The following SCN10A variants were observed in gnomAD, a reference collection of about 807,000 sequenced individuals.
The protein encoded by SCN10A is sodium voltage-gated channel alpha subunit 10, also known as sodium channel protein type 10 subunit alpha.
A neutral mutation model predicts 170.7 loss-of-function variants in SCN10A; 162 were observed. The ratio of observed to expected loss-of-function variants is 0.95; its 90% CI spans 0.84 to 1.08. The LOEUF (loss-of-function observed/expected upper bound fraction) is 1.08. Ranked by LOEUF, SCN10A falls within the 50% of genes least tolerant of loss-of-function variation. The pLI is 0.00. For missense variants in SCN10A, 2,527 were observed against 2,436.9 expected (o/e 1.04, Z -0.78); for synonymous variants, 985 against 904.6 (o/e 1.09, Z -1.59).
At chr3:38,796,518 A>G (rs552777535) in intron 1 of SCN10A, among the ~76,000 whole-genome samples, 3 of 152,276 alleles carry the variant, frequency 2.0e-5, no homozygotes, top group South Asian at 4.1e-4. Flanking sequence ...AAAGCTCTCC[A>G]TAGCACTCAA....
intron 18 of SCN10A, 74 bp from the exon 19 acceptor site, chr3:38,723,627 G>A (rs773877069): frequency 6.0e-6 from 9 of 1,503,888 alleles, no homozygotes; most frequent in Non-Finnish European, 7.2e-6. Context: ...GTCACTGCAG[G>A]TTCAACTGCA....
At chr3:38,797,907 A>C (rs2064349517) in intron 1 of SCN10A, among the ~76,000 whole-genome samples, 1 of 152,216 alleles carries the variant, frequency 6.6e-6, no homozygotes, top group Non-Finnish European at 1.5e-5. Context: ...CCTCCAGCTA[A>C]GGACAAAATT....
chr3:38,743,032 G>A (rs1333320670), intron 13 of SCN10A, among the ~76,000 whole-genome samples: 1 of 152,096 alleles, frequency 6.6e-6, no homozygotes, highest in Non-Finnish European at 1.5e-5. Context: ...GCCTTGCCCT[G>A]CCCAGAAATC....
chr3:38,756,103 C>T (rs1576007770), intron 10 of SCN10A, 145 bp from the exon 11 acceptor site: 1 of 832,208 alleles, frequency 1.2e-6, no homozygotes, highest in African/African-American at 1.7e-5. Context: ...GGGATTAGGC[C>T]ATGGCAGGAA....
At chr3:38,813,031 TC>T (rs2064450498) in intron 1 of SCN10A, among the ~76,000 whole-genome samples, 1 of 151,640 alleles carries the variant, frequency 6.6e-6, no homozygotes, top group African/African-American at 2.4e-5. Flanking sequence ...AGACCCTGTC[TC>T]AAATAAATAA....
Position 38,793,809 on chromosome 3 carries a change from C to T in SCN10A, c.202G>A (p.Gly68Ser). The T allele has an allele frequency of 6.2e-7, 1 of 1,613,942 alleles. No homozygotes were observed. Among genetic ancestry groups the T allele is most frequent in the Non-Finnish European group, 8.5e-7 (1 of 1,179,954 alleles). The change falls in exon 2 of 28, where the codon GGT becomes AGT. Residue 68 changes from glycine (G) to serine (S), a missense_variant. Gly to Ser is a moderately conservative substitution (Grantham distance 56). Coordinates refer to ENST00000449082, the MANE Select transcript of SCN10A (RefSeq NM_006514.4). ...KACNQLPKFY[G>S]ELPAELIGEP... ...CCGATCAGTTCTGCTGGGAGCTCAC[C>T]ATAGAACTTGGGCAGCTGGTTGCAG...
Position 38,718,736 on chromosome 3 carries a change from C to A in SCN10A, c.3598G>T (p.Glu1200Ter). 6.2e-7 allele frequency: 1 copy of A among 1,614,196 alleles called. No individual in the cohort carries two copies. Among genetic ancestry groups the A allele is most frequent in the Non-Finnish European group, 8.5e-7 (1 of 1,180,032 alleles). Residue 1200 changes from glutamate (E) to a stop codon, truncating the protein, a stop_gained, in exon 21 of 28, where the codon GAG becomes TAG. Transcript: ENST00000449082. LOFTEE classifies it high-confidence loss of function. ...DRVFTFIFVF[E>*]MLLKWVAYGF... Reference sequence around the variant, plus strand: ...TAGGCCACCCACTTAAGCAGCATCTCGAACACAAAGATAAAGGTGAAGACC... The same window carrying A: ...TAGGCCACCCACTTAAGCAGCATCTAGAACACAAAGATAAAGGTGAAGACC...
At chr3:38,707,731 T>C (rs572155672) in intron 25 of SCN10A, among the ~76,000 whole-genome samples, 1 of 152,272 alleles carries the variant, frequency 6.6e-6, no homozygotes, top group East Asian at 1.9e-4. Context: ...TCCAGTAAAA[T>C]TCTTTGGGCT....
Position 38,706,583 on chromosome 3 carries a change from C to T in SCN10A, c.4386+696G>A, listed in dbSNP as rs147289725. ...TTCCCAAAAAAGTGCTATCTTAGGG[C>T]CTCTCAGAGGCTTGATGTTTTCTAT... is the stretch of plus-strand genomic sequence containing the variant. On this transcript the variant is annotated intron_variant, in intron 26 of 27. Coordinates refer to ENST00000449082, the MANE Select transcript of SCN10A (RefSeq NM_006514.4). Among the ~76,000 whole-genome samples, 208 of 152,250 alleles carry T rather than the reference C, an allele frequency of 1.4e-3. 1 individual carries two copies. Among genetic ancestry groups the T allele is most frequent in the African/African-American group, 4.9e-3 (205 of 41,554 alleles).
intron 5 of SCN10A, 44 bp from the exon 6 acceptor site, chr3:38,763,640 C>G: frequency 2.8e-6 from 4 of 1,417,176 alleles, no homozygotes; most frequent in Non-Finnish European, 3.0e-6. Flanking sequence ...AGCAAGGGTC[C>G]TGGGGATGCA....
At chr3:38,785,910 A>G (rs138739984) in intron 4 of SCN10A, among the ~76,000 whole-genome samples, 12,651 of 152,302 alleles carry the variant, frequency 0.083, 697 homozygotes, top group Admixed American at 0.17. Context: ...GAGAAATGCC[A>G]GTCAAAACCA....
At chr3:38,745,566 C>T (rs1384869027) in intron 13 of SCN10A, among the ~76,000 whole-genome samples, 2 of 152,152 alleles carry the variant, frequency 1.3e-5, no homozygotes, top group African/African-American at 4.8e-5. Context: ...CTTTTCCTCA[C>T]AGGCAAACTT....
At chr3:38,785,870 T>G (rs968109414) in intron 4 of SCN10A, among the ~76,000 whole-genome samples, 1 of 152,146 alleles carries the variant, frequency 6.6e-6, no homozygotes, top group Non-Finnish European at 1.5e-5. Flanking sequence ...AATAAACATA[T>G]GATAAAAAGC....
At chr3:38,771,817 G>A (rs1234548436) in intron 4 of SCN10A, among the ~76,000 whole-genome samples, 8 of 152,216 alleles carry the variant, frequency 5.3e-5, no homozygotes, top group Non-Finnish European at 8.8e-5. Flanking sequence ...AACTGACAGA[G>A]CAGACCTAAG....
Position 38,793,736 on chromosome 3 carries a change from C to T in SCN10A, c.270+5G>A, listed in dbSNP as rs2064314283. On this transcript the variant is annotated splice_donor_5th_base_variant and intron_variant, in intron 2 of 27. Transcript: ENST00000449082. Reference sequence around the variant, plus strand: ...AGAGCAGACATTCCTACTAGTAGCTCTTACCCGGTGTGTGCTGTAGAACGG... The same window carrying T: ...AGAGCAGACATTCCTACTAGTAGCTTTTACCCGGTGTGTGCTGTAGAACGG... 3.7e-6 allele frequency: 6 copies of T among 1,611,280 alleles called. No individual in the cohort carries two copies. In the East Asian group the frequency reaches 1.1e-4, roughly 30 times the overall value.
At chr3:38,798,716 G>A (rs2064354403) in intron 1 of SCN10A, among the ~76,000 whole-genome samples, 1 of 150,640 alleles carries the variant, frequency 6.6e-6, no homozygotes, top group African/African-American at 2.4e-5. Flanking sequence ...TGCTAAGCAA[G>A]CCTTTCTATT....
At chr3:38,721,328 C>T (rs1346176450) in intron 20 of SCN10A, among the ~76,000 whole-genome samples, 2 of 151,688 alleles carry the variant, frequency 1.3e-5, no homozygotes, top group Non-Finnish European at 2.9e-5. Flanking sequence ...TAATTAGCTG[C>T]CACCCTGAAC....
At chr3:38,702,207 C>T (rs987749277) in intron 26 of SCN10A, 98 bp from the exon 27 acceptor site, 9 of 1,299,830 alleles carry the variant, frequency 6.9e-6, no homozygotes, top group Middle Eastern at 4.2e-4. Context: ...TCACACTCCA[C>T]ATCTTAACAG....
At chr3:38,787,291 A>G (rs2064218517) in intron 4 of SCN10A, among the ~76,000 whole-genome samples, 1 of 152,126 alleles carries the variant, frequency 6.6e-6, no homozygotes, top group African/African-American at 2.4e-5. Flanking sequence ...TGCCAGTGTA[A>G]ATGGTATTTT....
Sources: gnomAD v4.1 joint callset for allele counts (sites outside exome capture counted in the v4.1 genomes callset) on GRCh38, gnomAD v4.1.1 for gene constraint, MANE v1.5 for transcripts, NCBI Gene and HGNC (gene_info 2026-07-23, HGNC 2026-07-21) for gene names.